The following CASP5 variants were observed in gnomAD, a reference collection of about 807,000 sequenced individuals.
CASP5 encodes the protein caspase 5, also known as caspase-5.
CASP5 carries 42 observed loss-of-function variants against 45.2 expected under a neutral mutation model. The observed-to-expected ratio is 0.93, with a 90% CI of 0.73 to 1.20. CASP5 has a LOEUF of 1.20. Among genes scored for constraint, CASP5 ranks in the 50% most tolerant of loss-of-function variants. The pLI is 0.00. For synonymous variants in CASP5, 209 were observed against 186.2 expected (o/e 1.12, Z -1.00); for missense variants, 512 against 532.2 (o/e 0.96, Z 0.37).
intron 9 of CASP5, 59 bp downstream of exon 9, chr11:104,995,681 C>T (rs1217247427): frequency 1.3e-5 from 15 of 1,119,788 alleles, no homozygotes; most frequent in Admixed American, 1.8e-5. Context: ...GGTCATTGAA[C>T]TTCACCACCG....
chr11:105,017,270 G>A (rs545727564), intron 1 of CASP5, among the ~76,000 whole-genome samples: 49 of 152,054 alleles, frequency 3.2e-4, no homozygotes, highest in African/African-American at 9.6e-4. Flanking sequence ...CCAAAGGAAC[G>A]CAGTTCCTCG....
intron 1 of CASP5, among the ~76,000 whole-genome samples, chr11:105,016,483 T>C (rs996001382): frequency 3.9e-5 from 6 of 152,186 alleles, no homozygotes; most frequent in African/African-American, 1.2e-4. Flanking sequence ...GGGCGAGGCA[T>C]TGCCTCACTC....
chr11:105,009,437 G>A (rs1448508275), intron 1 of CASP5, among the ~76,000 whole-genome samples: 2 of 151,430 alleles, frequency 1.3e-5, no homozygotes, highest in Non-Finnish European at 3.0e-5. Context: ...TTGAATTTGT[G>A]TTTTTTAACA....
intron 1 of CASP5, among the ~76,000 whole-genome samples, chr11:105,013,143 C>T (rs1254100295): frequency 2.6e-5 from 4 of 151,898 alleles, no homozygotes; most frequent in Non-Finnish European, 5.9e-5. Flanking sequence ...GATAACATTA[C>T]ATTAAATAAA....
In CASP5 at chr11:105,011,970, T is replaced by C. The variant is rs577236127; in HGVS notation, c.8-2990A>G. 3.6e-3 allele frequency among the ~76,000 whole-genome samples: 544 copies of C among 151,810 alleles called. 3 individuals carry two copies. The highest frequency in any genetic ancestry group is 0.012 in the African/African-American group (512 of 41,496). On this transcript the variant is annotated intron_variant, in intron 1 of 9. Transcript: ENST00000260315. ...AATTCATATGGAATTATTTAAAAAT[T>C]CAAATAGCCAAAGCATCCTTGAGTA... is the stretch of plus-strand genomic sequence containing the variant.
At chr11:104,999,180 T>G (rs981207713) in intron 6 of CASP5, 152 bp from the exon 7 acceptor site, 3 of 636,038 alleles carry the variant, frequency 4.7e-6, no homozygotes, top group Non-Finnish European at 5.1e-6. Flanking sequence ...CATTAAGTAT[T>G]TGTCTTAAGG....
At chr11:104,995,275 G>C (rs1172097119) in intron 9 of CASP5, 1 of 152,652 alleles carries the variant, frequency 6.6e-6, no homozygotes, top group Non-Finnish European at 1.5e-5. Flanking sequence ...GTCAACAACA[G>C]TAATGTGATA....
chr11:105,008,395 T>G (rs1015990982), intron 2 of CASP5, among the ~76,000 whole-genome samples: 5 of 152,022 alleles, frequency 3.3e-5, no homozygotes, highest in Non-Finnish European at 5.9e-5. Context: ...GCCAACACAA[T>G]GTTTCTAACC....
chr11:105,009,411 T>C (rs1262767027), intron 1 of CASP5, among the ~76,000 whole-genome samples: 2 of 151,728 alleles, frequency 1.3e-5, no homozygotes, highest in Non-Finnish European at 3.0e-5. Flanking sequence ...GCTTCCTTGG[T>C]GAATTAACTA....
intron 7 of CASP5, 114 bp downstream of exon 7, chr11:104,998,771 G>T: frequency 2.0e-6 from 2 of 1,003,406 alleles, no homozygotes; most frequent in Non-Finnish European, 3.0e-6. Context: ...TATATAGAGA[G>T]CACACACCAT....
intron 1 of CASP5, among the ~76,000 whole-genome samples, chr11:105,021,566 C>T (rs1179739147): frequency 1.3e-5 from 2 of 150,362 alleles, no homozygotes; most frequent in Admixed American, 6.8e-5. Flanking sequence ...AAAGTGCTCA[C>T]CATCACTGGC....
chr11:105,019,783 G>A (rs1591180713), intron 1 of CASP5, among the ~76,000 whole-genome samples: 1 of 144,436 alleles, frequency 6.9e-6, no homozygotes. Flanking sequence ...AGAAAAAGAG[G>A]GAATCCTCCC....
chr11:105,002,116 T>C lies in CASP5; in HGVS notation c.629A>G (p.Asn210Ser), dbSNP rs1397072972. The change falls in exon 5 of 10, where the codon AAT becomes AGT. Residue 210 changes from asparagine to serine, a missense_variant. Coordinates refer to ENST00000260315, the MANE Select transcript of CASP5 (RefSeq NM_004347.5). ...CCCCACGATGTCATAGTGAGCCCCA[T>C]TCCTTGCAGGCAGGTGATCAAACTT... is the stretch of plus-strand genomic sequence containing the variant. The part of the protein sequence containing the change: ...NTKFDHLPAR[N>S]GAHYDIVGMK... 21 of 1,613,976 alleles carry C rather than the reference T, an allele frequency of 1.3e-5. No homozygotes were observed. Among genetic ancestry groups the C allele is most frequent in the Non-Finnish European group, 1.8e-5 (21 of 1,179,984 alleles).
At chr11:105,002,423 C>T (rs986491872) in intron 4 of CASP5, among the ~76,000 whole-genome samples, 1 of 152,130 alleles carries the variant, frequency 6.6e-6, no homozygotes, top group East Asian at 1.9e-4. Context: ...ATTCCTACCC[C>T]CTTCCTTCTC....
chr11:104,995,142 G>A (rs1236603573), intron 9 of CASP5: 1 of 152,212 alleles, frequency 6.6e-6, no homozygotes, highest in Non-Finnish European at 1.5e-5. Flanking sequence ...TGAAGGGTCT[G>A]TTTCCCATTT....
At chr11:105,008,538 G>A (rs957238243) in intron 2 of CASP5, among the ~76,000 whole-genome samples, 13 of 151,978 alleles carry the variant, frequency 8.6e-5, no homozygotes, top group Admixed American at 6.6e-5. Flanking sequence ...TCTAGATTTA[G>A]GTTTGAATAT....
At chr11:105,002,729 A>G (rs1472349334) in intron 4 of CASP5, among the ~76,000 whole-genome samples, 2 of 152,214 alleles carry the variant, frequency 1.3e-5, no homozygotes, top group East Asian at 1.9e-4. Context: ...AAATTGTAAT[A>G]AATCCCAAAT....
chr11:105,009,657 C>G (rs1286119277), intron 1 of CASP5, among the ~76,000 whole-genome samples: 1 of 143,578 alleles, frequency 7.0e-6, no homozygotes, highest in Non-Finnish European at 1.5e-5. Flanking sequence ...TAATATAATA[C>G]TGAGTTAATG....
At chr11:105,005,636 ACCCCT>A (rs1861966529) in intron 3 of CASP5, among the ~76,000 whole-genome samples, 1 of 151,996 alleles carries the variant, frequency 6.6e-6, no homozygotes, top group Admixed American at 6.6e-5. Flanking sequence ...GAGCCACTGG[ACCCCT>A]CCTGCAGGGA....
Sources: allele counts gnomAD v4.1 joint callset (sites outside exome capture counted in the v4.1 genomes callset), GRCh38; gene constraint gnomAD v4.1.1; transcripts MANE v1.5; gene names NCBI Gene and HGNC (gene_info 2026-07-23, HGNC 2026-07-21).